ARK2C: variants seen among roughly 807,000 people sequenced by gnomAD.
ARK2C encodes arkadia (RNF111) C-terminal like ring finger ubiquitin ligase 2C, also known as E3 ubiquitin-protein ligase ARK2C.
At chr18:46,350,856 C>T in the ARK2C span, among the ~76,000 whole-genome samples, 10 of 152,198 alleles carry the variant, frequency 6.6e-5, no homozygotes, top group African/African-American at 1.9e-4. Flanking sequence ...ATTAATTTGA[C>T]GATAGCTGTT....
At chr18:46,415,639 G>A in the ARK2C span, among the ~76,000 whole-genome samples, 2 of 152,192 alleles carry the variant, frequency 1.3e-5, no homozygotes, top group African/African-American at 4.8e-5. Flanking sequence ...TGCTGAGAGT[G>A]AAAGACGGGC....
the ARK2C span, among the ~76,000 whole-genome samples, chr18:46,422,147 A>G: frequency 6.6e-6 from 1 of 152,188 alleles, no homozygotes; most frequent in Admixed American, 6.5e-5. Flanking sequence ...TTCTGGGCAG[A>G]TGGCCCACTT....
chr18:46,354,284 G>A, the ARK2C span, among the ~76,000 whole-genome samples: 2 of 152,220 alleles, frequency 1.3e-5, no homozygotes, highest in African/African-American at 2.4e-5. Flanking sequence ...GGGATTGGGG[G>A]TCTGGGCTCA....
the ARK2C span, among the ~76,000 whole-genome samples, chr18:46,451,382 A>T: frequency 2.0e-5 from 3 of 151,096 alleles, no homozygotes; most frequent in Admixed American, 6.6e-5. Flanking sequence ...TGAGTTTAAA[A>T]TTTTTTTTTT....
the ARK2C span, among the ~76,000 whole-genome samples, chr18:46,440,299 C>T: frequency 1.3e-5 from 2 of 151,346 alleles, no homozygotes; most frequent in East Asian, 1.9e-4. Flanking sequence ...AGAGAGAGAC[C>T]ATATTCACAT....
At chr18:46,458,438 C>T in the ARK2C span, 60 of 152,768 alleles carry the variant, frequency 3.9e-4, no homozygotes, top group African/African-American at 1.4e-3. Flanking sequence ...CACCTCCATT[C>T]ATAACCCAGT....
the ARK2C span, among the ~76,000 whole-genome samples, chr18:46,390,705 T>C: frequency 6.6e-6 from 1 of 152,170 alleles, no homozygotes; most frequent in African/African-American, 2.4e-5. Flanking sequence ...GCTAAGGAGA[T>C]ACAAAGGAAA....
the ARK2C span, among the ~76,000 whole-genome samples, chr18:46,413,826 T>A: frequency 6.6e-6 from 1 of 152,044 alleles, no homozygotes; most frequent in African/African-American, 2.4e-5. Context: ...AGAAAAACAC[T>A]CCTCCCCCTG....
At chr18:46,365,143 G>T in the ARK2C span, among the ~76,000 whole-genome samples, 2 of 152,200 alleles carry the variant, frequency 1.3e-5, no homozygotes, top group South Asian at 2.1e-4. Flanking sequence ...CTGCCTTCTT[G>T]TTAGAGGTGG....
the ARK2C span, among the ~76,000 whole-genome samples, chr18:46,346,763 C>T: frequency 9.8e-5 from 15 of 152,334 alleles, no homozygotes; most frequent in South Asian, 3.1e-3. Context: ...CCACACACCC[C>T]ACTTCCCCCA....
chr18:46,361,763 G>A, the ARK2C span, among the ~76,000 whole-genome samples: 1 of 152,228 alleles, frequency 6.6e-6, no homozygotes, highest in Non-Finnish European at 1.5e-5. Flanking sequence ...AGGAGCTGCT[G>A]CAGGTCACCA....
At chr18:46,336,097 T>C in the ARK2C span, 1 of 985,212 alleles carries the variant, frequency 1.0e-6, no homozygotes, top group East Asian at 1.1e-4. Flanking sequence ...CTGGATGCGA[T>C]CTCCTTGAAA....
At chr18:46,456,661 C>T in the ARK2C span, 2 of 1,512,284 alleles carry the variant, frequency 1.3e-6, no homozygotes, top group Non-Finnish European at 1.8e-6. Flanking sequence ...AGTGGACACC[C>T]CATTTCCTTC....
the ARK2C span, among the ~76,000 whole-genome samples, chr18:46,377,221 G>A: frequency 1.3e-5 from 2 of 152,146 alleles, no homozygotes; most frequent in Non-Finnish European, 2.9e-5. Context: ...CACATCTTTA[G>A]CAAATATCCT....
the ARK2C span, chr18:46,456,125 A>G: frequency 6.9e-6 from 8 of 1,159,088 alleles, no homozygotes; most frequent in East Asian, 2.0e-4. Flanking sequence ...TCTTATAGGT[A>G]TTGGTGACCA....
the ARK2C span, among the ~76,000 whole-genome samples, chr18:46,395,774 G>A: frequency 6.6e-6 from 1 of 152,246 alleles, no homozygotes; most frequent in Non-Finnish European, 1.5e-5. Flanking sequence ...CCCAATGCAA[G>A]GGTCTCAACC....
chr18:46,414,205 A>C, the ARK2C span, among the ~76,000 whole-genome samples: 464 of 152,364 alleles, frequency 3.0e-3, 5 homozygotes, highest in Non-Finnish European at 5.1e-3. Flanking sequence ...TGAGTGACTG[A>C]TTAAGACGGG....
At chr18:46,385,795 T>C in the ARK2C span, 1 of 152,190 alleles carries the variant, frequency 6.6e-6, no homozygotes, top group African/African-American at 2.4e-5. Context: ...TGCCTTTATA[T>C]TGGAAAAGAG....
At chr18:46,345,857 G>A in the ARK2C span, among the ~76,000 whole-genome samples, 2 of 152,166 alleles carry the variant, frequency 1.3e-5, no homozygotes, top group Non-Finnish European at 2.9e-5. Flanking sequence ...GTCCATCCAG[G>A]GGTGAGTGAG....
Sources: gnomAD v4.1 joint callset for allele counts (sites outside exome capture counted in the v4.1 genomes callset) on GRCh38, gnomAD v4.1.1 for gene constraint, MANE v1.5 for transcripts, NCBI Gene and HGNC (gene_info 2026-07-23, HGNC 2026-07-21) for gene names.